Variants in GON4L observed in about 807,000 individuals in gnomAD.
GON4L encodes GON-4-like protein.
GON4L carries 87 observed loss-of-function variants against 211.8 expected under a neutral mutation model. The observed-to-expected ratio is 0.41, with a 90% confidence interval of 0.35 to 0.49. GON4L has a LOEUF of 0.49. Ranked by LOEUF, GON4L falls within the 20% of genes least tolerant of loss-of-function variation. The probability of loss-of-function intolerance (pLI) is 0.15; values close to 1 mark genes in which losing one functional copy is unlikely to be tolerated. For synonymous variants in GON4L, 875 were observed against 962.6 expected, an observed-to-expected ratio of 0.91 and a Z score of 1.68; for missense variants, 2,155 against 2,659.5, an observed-to-expected ratio of 0.81 and a Z score of 4.17.
chr1:155,804,999 T>G lies in GON4L; in HGVS notation c.1595A>C (p.Asp532Ala). The G allele has an allele frequency of 6.2e-7, 1 of 1,613,972 alleles. No homozygotes were observed. The highest frequency in any genetic ancestry group is 8.5e-7 in the Non-Finnish European group (1 of 1,179,886). ...MYDPNTADDE[D>A]WKMWLGGLMN... is the part of the protein sequence containing the mutation. Reference sequence around the variant, plus strand: ...AAGTCCCCCCAGCCACATCTTCCAGTCCTCATCATCTGCCGTATTGGGGTC... The same window carrying G: ...AAGTCCCCCCAGCCACATCTTCCAGGCCTCATCATCTGCCGTATTGGGGTC... The change falls in exon 11 of 32, where the codon GAC becomes GCC. Residue 532 changes from aspartate to alanine, a missense_variant. By Grantham distance (126) the Asp-to-Ala change is moderately radical. Around this residue, in one of 6 missense-constraint regions of GON4L, gnomAD observed 551 missense variants for 854.0 expected, o/e 0.65. Coordinates refer to ENST00000368331, the MANE Select transcript of GON4L (RefSeq NM_001282860.2).
At chr1:155,764,677 G>A (rs1420227649) in intron 21 of GON4L, 7 of 631,162 alleles carry the variant, frequency 1.1e-5, no homozygotes, top group South Asian at 9.8e-5. Flanking sequence ...CTGGCCTTGT[G>A]ATCCACCCAC....
At chr1:155,825,487 G>A (rs1186764378) in intron 3 of GON4L, among the ~76,000 whole-genome samples, 5 of 151,086 alleles carry the variant, frequency 3.3e-5, no homozygotes, top group East Asian at 3.9e-4. Flanking sequence ...CAGGAGAATC[G>A]CTGGAACCCG....
chr1:155,784,950 A>G (rs1664798246), intron 13 of GON4L: 2 of 345,922 alleles, frequency 5.8e-6, no homozygotes, highest in African/African-American at 4.3e-5. Context: ...CTGTCTCTAC[A>G]AATAAAATAA....
chr1:155,844,153 T>C (rs1299824373), intron 2 of GON4L, among the ~76,000 whole-genome samples: 1 of 152,198 alleles, frequency 6.6e-6, no homozygotes, highest in African/African-American at 2.4e-5. Context: ...GGGCTTTGCA[T>C]ACCACAAGTC....
chr1:155,843,182 G>C (rs1670938307), intron 2 of GON4L, among the ~76,000 whole-genome samples: 1 of 152,234 alleles, frequency 6.6e-6, no homozygotes, highest in Admixed American at 6.5e-5. Flanking sequence ...ATACTCAGTT[G>C]TCCCTGTTCT....
chr1:155,826,434 C>T (rs1426520553), intron 3 of GON4L, among the ~76,000 whole-genome samples: 2 of 151,836 alleles, frequency 1.3e-5, no homozygotes, highest in Non-Finnish European at 2.9e-5. Flanking sequence ...GGTGTGGTGG[C>T]AGGCACCTGT....
At chr1:155,756,604 A>G in intron 27 of GON4L, 1 of 230,050 alleles carries the variant, frequency 4.3e-6, no homozygotes, top group Non-Finnish European at 8.7e-6. Context: ...TGAAACATAG[A>G]TAATTTTCAA....
chr1:155,833,331 T>C (rs1669969381), intron 2 of GON4L, among the ~76,000 whole-genome samples: 1 of 151,944 alleles, frequency 6.6e-6, no homozygotes, highest in Non-Finnish European at 1.5e-5. Context: ...CTCTAGCTAT[T>C]TCTCACCCAT....
At chr1:155,802,426 A>ATATC (rs1408985521) in intron 11 of GON4L, among the ~76,000 whole-genome samples, 1 of 152,152 alleles carries the variant, frequency 6.6e-6, no homozygotes, top group Non-Finnish European at 1.5e-5. Flanking sequence ...TGGAAAGAAT[A>ATATC]TATCCTACAG....
intron 12 of GON4L, among the ~76,000 whole-genome samples, chr1:155,791,812 G>A (rs1188822868): frequency 2.0e-5 from 3 of 151,964 alleles, no homozygotes; most frequent in African/African-American, 7.3e-5. Flanking sequence ...AGTTTGCAGT[G>A]AGCTGAGATT....
chr1:155,758,104 A>G (rs1661383358), intron 24 of GON4L, 70 bp from the exon 25 acceptor site: 1 of 155,550 alleles, frequency 6.4e-6, no homozygotes, highest in Non-Finnish European at 1.3e-5. Context: ...GGTTCTAAGG[A>G]TAAGAACTAG....
chr1:155,839,650 C>CA (rs76003215), intron 2 of GON4L, among the ~76,000 whole-genome samples: 1,034 of 61,352 alleles, frequency 0.017, 8 homozygotes, highest in African/African-American at 0.043. Flanking sequence ...GACTCTGTCT[C>CA]AAAAAAAAAA....
chr1:155,852,599 C>T (rs1318145284), intron 2 of GON4L, among the ~76,000 whole-genome samples: 2 of 151,830 alleles, frequency 1.3e-5, no homozygotes, highest in African/African-American at 2.4e-5. Flanking sequence ...AAAAATTGGC[C>T]GGGCATGGTG....
chr1:155,766,443 G>C lies in GON4L; in HGVS notation c.3030C>G (p.Pro1010=), dbSNP rs1236798374. Residue 1010 remains proline, a synonymous_variant, in exon 21 of 32, where the codon CCC becomes CCG. Coordinates refer to ENST00000368331, the MANE Select transcript of GON4L (RefSeq NM_001282860.2). The part of the protein sequence containing the change: ...VLKPLLIQPS[P]SLQPSFNPGK... ...CAGGGTTGAAGCTGGGCTGGAGAGAGGGGCTGGGTTGGATAAGGAGGGGCT... is the reference window on the plus strand; with the variant it reads ...CAGGGTTGAAGCTGGGCTGGAGAGACGGGCTGGGTTGGATAAGGAGGGGCT... 1 of 1,614,126 alleles carries C rather than the reference G, an allele frequency of 6.2e-7. No individual in the cohort carries two copies. The highest frequency in any genetic ancestry group is 1.1e-5 in the South Asian group (1 of 91,080).
intron 19 of GON4L, among the ~76,000 whole-genome samples, chr1:155,769,284 T>A (rs1662912684): frequency 6.6e-6 from 1 of 152,086 alleles, no homozygotes; most frequent in Non-Finnish European, 1.5e-5. Flanking sequence ...CCTCAATTTT[T>A]AAAAATTTAG....
chr1:155,754,490 T>C lies in GON4L; in HGVS notation c.5518-2A>G. The stretch of plus-strand genomic sequence containing the variant: ...GGCCCCATCTGGCCATTCAGTCTCC[T>C]AGGAGATACTTGGGCTTGATTAGCT... On this transcript the variant is annotated splice_acceptor_variant, in intron 27 of 31. Transcript: ENST00000368331. LOFTEE classifies it high-confidence loss of function. The C allele has an allele frequency of 6.6e-7, 1 of 1,523,052 alleles. No individual in the cohort carries two copies. Among genetic ancestry groups the C allele is most frequent in the East Asian group, 2.3e-5 (1 of 44,318 alleles). The allele number at this position is 1,523,052 out of a possible 1,614,324, so 94.3% of individuals were successfully genotyped here.
intron 15 of GON4L, 148 bp downstream of exon 15, chr1:155,777,474 G>A: frequency 1.4e-6 from 1 of 697,238 alleles, no homozygotes; most frequent in South Asian, 1.5e-5. Context: ...AGCTACTTGG[G>A]AGGCTGAGGC....
chr1:155,793,617 ATTTT>A (rs538267329), intron 12 of GON4L, among the ~76,000 whole-genome samples: 34 of 151,604 alleles, frequency 2.2e-4, no homozygotes, highest in Non-Finnish European at 3.7e-4. Context: ...CAATGATATA[ATTTT>A]TTTTTGAGTC....
chr1:155,847,814 C>T (rs528817508), intron 2 of GON4L, among the ~76,000 whole-genome samples: 2 of 152,160 alleles, frequency 1.3e-5, no homozygotes, highest in Admixed American at 1.3e-4. Context: ...GCGGGGGTTG[C>T]GGTGAGCCAA....
Sources: allele counts gnomAD v4.1 joint callset (sites outside exome capture counted in the v4.1 genomes callset), GRCh38; gene constraint gnomAD v4.1.1; regional missense constraint gnomAD v4.1.1; transcripts MANE v1.5; gene names NCBI Gene and HGNC (gene_info 2026-07-23, HGNC 2026-07-21).